Variants in ZFYVE9 observed in about 807,000 individuals in gnomAD.
ZFYVE9 encodes zinc finger FYVE-type containing 9.
A neutral mutation model predicts 126.7 loss-of-function variants in ZFYVE9; 43 were observed. The observed-to-expected ratio is 0.34, with a 90% CI of 0.27 to 0.44. The LOEUF (loss-of-function observed/expected upper bound fraction) is 0.44. Ranked by LOEUF, ZFYVE9 falls within the 20% of genes least tolerant of loss-of-function variation. The probability of loss-of-function intolerance (pLI) is 1.00; values close to 1 mark genes in which losing one functional copy is unlikely to be tolerated. For synonymous variants in ZFYVE9, 521 were observed against 597.4 expected (o/e 0.87, Z 1.87); for missense variants, 1,476 against 1,697.0 (o/e 0.87, Z 2.29).
intron 13 of ZFYVE9, among the ~76,000 whole-genome samples, chr1:52,323,047 G>A (rs551746327): frequency 6.6e-5 from 10 of 152,016 alleles, no homozygotes; most frequent in South Asian, 2.1e-4. Context: ...CTCGTGATCC[G>A]CCCATCTTGG....
chr1:52,163,864 A>C (rs561250118), intron 1 of ZFYVE9, among the ~76,000 whole-genome samples: 1 of 152,186 alleles, frequency 6.6e-6, no homozygotes, highest in South Asian at 2.1e-4. Context: ...GCTCTAGGCC[A>C]TGCAATTGGT....
chr1:52,238,037 T>G lies in ZFYVE9; in HGVS notation c.620T>G (p.Met207Arg), dbSNP rs182750927. The stretch of plus-strand genomic sequence containing the variant: ...ATAAATGAGTCCACTGAAAAAGATA[T>G]GAATTCAGAGAAACAAATGGATCCA... ...FSINESTEKDMNSEKQMDPLN... is the reference protein window; with the variant it reads ...FSINESTEKDRNSEKQMDPLN... Residue 207 changes from methionine to arginine, a missense_variant, in exon 4 of 19, where the codon ATG (methionine) becomes AGG (arginine). Physicochemically the swap from Met to Arg is moderately conservative, Grantham distance 91 (BLOSUM62 -1). Around this residue, in one of 2 missense-constraint regions of ZFYVE9, gnomAD observed 807 missense variants for 794.6 expected, o/e 1.02. Coordinates refer to ENST00000287727, the MANE Select transcript of ZFYVE9 (RefSeq NM_004799.4). 6.2e-7 allele frequency: 1 copy of G among 1,613,974 alleles called. No homozygotes were observed. Among genetic ancestry groups the G allele is most frequent in the Non-Finnish European group, 8.5e-7 (1 of 1,179,918 alleles).
At chr1:52,263,164 G>A (rs559219457) in intron 4 of ZFYVE9, among the ~76,000 whole-genome samples, 3 of 151,748 alleles carry the variant, frequency 2.0e-5, no homozygotes, top group Admixed American at 6.6e-5. Context: ...AAGGAAGTGA[G>A]ATTACCAGGA....
intron 13 of ZFYVE9, among the ~76,000 whole-genome samples, chr1:52,308,694 CAT>C (rs1183748411): frequency 1.3e-5 from 2 of 152,176 alleles, no homozygotes; most frequent in Non-Finnish European, 2.9e-5. Context: ...CTGTAAATGA[CAT>C]TTTTTTCACA....
chr1:52,187,539 A>C (rs1331611520), intron 1 of ZFYVE9, among the ~76,000 whole-genome samples: 1 of 152,226 alleles, frequency 6.6e-6, no homozygotes, highest in Non-Finnish European at 1.5e-5. Context: ...AATGGGAGAA[A>C]ATTTTTGCAA....
Position 52,142,829 on chromosome 1 carries a change from G to A in ZFYVE9, c.-143+426G>A, listed in dbSNP as rs972193668. ...CCGAGTCCCTCAGAATCCCGGTTGT[G>A]GCGGGGAAAGGGGGAGGAGAGGAAG... On this transcript the variant is annotated intron_variant, in intron 1 of 18. Transcript: ENST00000287727. The surrounding 1 kb of genome is among the most constrained non-coding windows in gnomAD (Gnocchi z 4.5). 6.6e-6 allele frequency among the ~76,000 whole-genome samples: 1 copy of A among 152,202 alleles called. No homozygotes were observed. Among genetic ancestry groups the A allele is most frequent in the Non-Finnish European group, 1.5e-5 (1 of 68,032 alleles).
chr1:52,336,051 T>A (rs1341583846), intron 15 of ZFYVE9, among the ~76,000 whole-genome samples: 1 of 151,912 alleles, frequency 6.6e-6, no homozygotes, highest in Non-Finnish European at 1.5e-5. Context: ...GGAGAATCAC[T>A]TGAACCTGGG....
chr1:52,339,435 T>G (rs905108227), intron 16 of ZFYVE9, among the ~76,000 whole-genome samples: 2 of 152,126 alleles, frequency 1.3e-5, no homozygotes, highest in Admixed American at 6.5e-5. Flanking sequence ...ATTACAGGCA[T>G]GTACCACTAT....
chr1:52,247,570 C>T (rs1158242355), intron 4 of ZFYVE9, among the ~76,000 whole-genome samples: 2 of 152,102 alleles, frequency 1.3e-5, no homozygotes, highest in African/African-American at 2.4e-5. Context: ...AATCTCGGCT[C>T]ACTGCAACCT....
chr1:52,292,497 A>T (rs1230119531), intron 10 of ZFYVE9, among the ~76,000 whole-genome samples: 1 of 129,790 alleles, frequency 7.7e-6, no homozygotes, highest in Non-Finnish European at 1.6e-5. Flanking sequence ...TTTTTGAGAC[A>T]GTGTCACTCT....
At chr1:52,251,264 G>A (rs1645443812) in intron 4 of ZFYVE9, among the ~76,000 whole-genome samples, 1 of 151,970 alleles carries the variant, frequency 6.6e-6, no homozygotes, top group Non-Finnish European at 1.5e-5. Context: ...TAGAGACAGG[G>A]TTTCACCATG....
At chr1:52,204,436 A>G (rs929475658) in intron 1 of ZFYVE9, among the ~76,000 whole-genome samples, 6 of 152,046 alleles carry the variant, frequency 3.9e-5, no homozygotes, top group Non-Finnish European at 1.5e-5. Flanking sequence ...TATTAAGAAT[A>G]GAATGCTCTT....
At position 52,238,761 on chromosome 1, in the gene ZFYVE9, T is replaced by A. The variant is rs1302327363; in HGVS notation, c.1344T>A (p.Asp448Glu). Residue 448 changes from aspartate to glutamate, a missense_variant, in exon 4 of 19, where the codon GAT (aspartate) becomes GAA (glutamate). By Grantham distance (45) the Asp-to-Glu change is conservative (BLOSUM62 2). This residue lies in a region of ZFYVE9 where 807 missense variants were observed against 794.6 expected (regional missense o/e 1.02). Coordinates refer to ENST00000287727, the MANE Select transcript of ZFYVE9 (RefSeq NM_004799.4). ...TTGGATTGGCAGATGCAGGTCTAGA[T>A]TTAAAAGGAACTTGCATTAGTGAAA... is the stretch of plus-strand genomic sequence containing the variant. ...QCVGLADAGL[D>E]LKGTCISESE... The A allele has an allele frequency of 3.7e-6, 6 of 1,614,072 alleles. No homozygotes were observed. In the South Asian group the frequency reaches 5.5e-5, roughly 15 times the overall value.
At chr1:52,162,898 A>G in intron 1 of ZFYVE9, 1 of 503,432 alleles carries the variant, frequency 2.0e-6, no homozygotes, top group South Asian at 2.2e-5. Flanking sequence ...GTGTTTGAAA[A>G]CCCTTGAAGG....
chr1:52,182,612 C>CG (rs1383733845), intron 1 of ZFYVE9, among the ~76,000 whole-genome samples: 4 of 151,784 alleles, frequency 2.6e-5, no homozygotes, highest in African/African-American at 9.7e-5. Context: ...ACAAACACTG[C>CG]GGAAGGCTGC....
intron 1 of ZFYVE9, among the ~76,000 whole-genome samples, chr1:52,174,971 G>A (rs1183151416): frequency 6.6e-6 from 1 of 152,178 alleles, no homozygotes; most frequent in African/African-American, 2.4e-5. Context: ...TTGCCAGTCT[G>A]TGTCTTTTAA....
At chr1:52,202,696 A>G (rs1444371261) in intron 1 of ZFYVE9, among the ~76,000 whole-genome samples, 1 of 151,294 alleles carries the variant, frequency 6.6e-6, no homozygotes, top group South Asian at 2.1e-4. Context: ...TCATTTATTT[A>G]TTTTTTTGAG....
chr1:52,247,883 A>C (rs1358713974), intron 4 of ZFYVE9, among the ~76,000 whole-genome samples: 3 of 151,976 alleles, frequency 2.0e-5, no homozygotes, highest in Non-Finnish European at 2.9e-5. Context: ...GTTTGTATGA[A>C]TTTCACTATT....
chr1:52,179,155 G>T (rs980497334), intron 1 of ZFYVE9, among the ~76,000 whole-genome samples: 2 of 152,146 alleles, frequency 1.3e-5, no homozygotes, highest in Non-Finnish European at 2.9e-5. Context: ...GGGTAGAGTG[G>T]TTCTTAGATG....
Sources: allele counts gnomAD v4.1 joint callset (sites outside exome capture counted in the v4.1 genomes callset), GRCh38; gene constraint gnomAD v4.1.1; regional missense constraint gnomAD v4.1.1; non-coding constraint Gnocchi (gnomAD v3.1); transcripts MANE v1.5; gene names NCBI Gene and HGNC (gene_info 2026-07-23, HGNC 2026-07-21).